Variants in IQGAP2 observed in about 807,000 individuals in gnomAD.
IQGAP2 encodes ras GTPase-activating-like protein IQGAP2.
A neutral mutation model predicts 201.3 loss-of-function variants in IQGAP2; 173 were observed. That is an observed-to-expected ratio of 0.86 (90% CI 0.76 to 0.98). IQGAP2 has a LOEUF of 0.98. Among genes scored for constraint, IQGAP2 ranks in the 50% least tolerant of loss-of-function variants. The pLI is 0.00. For missense variants in IQGAP2, 1,687 were observed against 1,864.8 expected, an observed-to-expected ratio of 0.90 and a Z score of 1.76; for synonymous variants, 675 against 673.9, an observed-to-expected ratio of 1.00 and a Z score of -0.03.
intron 21 of IQGAP2, among the ~76,000 whole-genome samples, chr5:76,659,470 G>A (rs893101894): frequency 1.3e-5 from 2 of 152,132 alleles, no homozygotes; most frequent in African/African-American, 4.8e-5. Flanking sequence ...CCAAAATGGA[G>A]AACAACTATT....
chr5:76,486,635 T>C (rs1028188393), intron 2 of IQGAP2, among the ~76,000 whole-genome samples: 1 of 113,762 alleles, frequency 8.8e-6, no homozygotes, highest in Non-Finnish European at 2.1e-5. Flanking sequence ...GCCAATTCAG[T>C]GATTTTTTTT....
At chr5:76,584,835 A>G (rs749759298) in intron 5 of IQGAP2, among the ~76,000 whole-genome samples, 1 of 152,220 alleles carries the variant, frequency 6.6e-6, no homozygotes, top group Non-Finnish European at 1.5e-5. Flanking sequence ...GATGTCAGAC[A>G]TTTGAAGGAA....
At chr5:76,617,061 A>G (rs897644207) in intron 13 of IQGAP2, 6 of 153,452 alleles carry the variant, frequency 3.9e-5, no homozygotes, top group South Asian at 2.0e-4. Flanking sequence ...TGAAGTAGCA[A>G]TAAGGCAAAT....
At chr5:76,552,581 C>G (rs1287798956) in intron 2 of IQGAP2, among the ~76,000 whole-genome samples, 1 of 152,224 alleles carries the variant, frequency 6.6e-6, no homozygotes, top group Non-Finnish European at 1.5e-5. Flanking sequence ...CTTACAAGCT[C>G]TACCTTCCAC....
At chr5:76,611,959 G>A (rs1337619005) in intron 13 of IQGAP2, among the ~76,000 whole-genome samples, 1 of 152,186 alleles carries the variant, frequency 6.6e-6, no homozygotes, top group African/African-American at 2.4e-5. Flanking sequence ...CATCTCCTCT[G>A]TCTAGGTCTT....
chr5:76,602,609 C>A (rs1029370954), intron 11 of IQGAP2, among the ~76,000 whole-genome samples: 2 of 151,740 alleles, frequency 1.3e-5, no homozygotes, highest in African/African-American at 4.8e-5. Context: ...TAAATACATT[C>A]TGGATCTGGA....
At chr5:76,654,498 G>A (rs1377824161) in intron 19 of IQGAP2, among the ~76,000 whole-genome samples, 5 of 152,302 alleles carry the variant, frequency 3.3e-5, no homozygotes, top group Non-Finnish European at 5.9e-5. Flanking sequence ...AATGGGTGAG[G>A]GGAAAACTGT....
chr5:76,492,786 C>A (rs1442838558), intron 2 of IQGAP2, among the ~76,000 whole-genome samples: 1 of 152,156 alleles, frequency 6.6e-6, no homozygotes, highest in Non-Finnish European at 1.5e-5. Context: ...CTTCACTCAT[C>A]CTACAAAGTG....
intron 17 of IQGAP2, among the ~76,000 whole-genome samples, chr5:76,650,932 A>G (rs775981270): frequency 2.0e-5 from 3 of 152,166 alleles, no homozygotes; most frequent in Non-Finnish European, 4.4e-5. Context: ...GGGCTTTTCT[A>G]CACAGGTGCT....
At chr5:76,503,594 T>A (rs1319671053) in intron 2 of IQGAP2, among the ~76,000 whole-genome samples, 4 of 151,934 alleles carry the variant, frequency 2.6e-5, no homozygotes, top group Admixed American at 1.3e-4. Context: ...TTTTTAAAAA[T>A]TTTATTTATT....
intron 23 of IQGAP2, among the ~76,000 whole-genome samples, chr5:76,669,779 G>A (rs1434018084): frequency 2.0e-5 from 3 of 152,178 alleles, no homozygotes; most frequent in African/African-American, 7.2e-5. Flanking sequence ...GTAGGGCCAG[G>A]TAGTGGGAGA....
In IQGAP2 at chr5:76,575,750, T is replaced by C. The variant is rs750963939; in HGVS notation, c.439T>C (p.Tyr147His). ...TCGGAAAAACATACCAAGAATGATA[T>C]ATTGCATTCACGCACTGAGGTAGGG... ...YDRKNIPRMIYCIHALSLYLF... is the reference protein window; with the variant it reads ...YDRKNIPRMIHCIHALSLYLF... Residue 147 changes from tyrosine (Y) to histidine (H), a missense_variant, in exon 5 of 36, where the codon TAT becomes CAT. By Grantham distance (83) the Tyr-to-His change is moderately conservative. Coordinates refer to ENST00000274364, the MANE Select transcript of IQGAP2 (RefSeq NM_006633.5). The C allele has an allele frequency of 2.5e-6, 4 of 1,587,838 alleles. No homozygotes were observed. The highest frequency in any genetic ancestry group is 4.6e-5 in the East Asian group (2 of 43,920).
chr5:76,519,169 A>T (rs1236001208), intron 2 of IQGAP2, among the ~76,000 whole-genome samples: 5 of 152,216 alleles, frequency 3.3e-5, no homozygotes, highest in African/African-American at 1.2e-4. Flanking sequence ...TAAGGATACT[A>T]AACTGCTACA....
intron 27 of IQGAP2, among the ~76,000 whole-genome samples, chr5:76,676,282 T>C (rs1744816003): frequency 6.6e-6 from 1 of 152,230 alleles, no homozygotes; most frequent in Non-Finnish European, 1.5e-5. Flanking sequence ...TTATCCTTTG[T>C]GTTTCTCAGA....
chr5:76,683,635 T>C (rs1368719925), intron 29 of IQGAP2, 141 bp from the exon 30 acceptor site: 3 of 643,190 alleles, frequency 4.7e-6, no homozygotes, highest in Non-Finnish European at 7.4e-6. Flanking sequence ...TTAGCTATAG[T>C]AGAATGTGGG....
intron 2 of IQGAP2, among the ~76,000 whole-genome samples, chr5:76,488,719 G>A (rs1462556520): frequency 6.6e-6 from 1 of 152,162 alleles, no homozygotes; most frequent in Non-Finnish European, 1.5e-5. Context: ...AAGGAGAGAG[G>A]TTGTAGGTTT....
intron 2 of IQGAP2, among the ~76,000 whole-genome samples, chr5:76,485,496 C>T (rs1756072777): frequency 6.6e-6 from 1 of 152,124 alleles, no homozygotes; most frequent in South Asian, 2.1e-4. Context: ...TCTTTGGTTT[C>T]CTTGGAGTTT....
At chr5:76,572,832 GT>G (rs1186282157) in intron 4 of IQGAP2, among the ~76,000 whole-genome samples, 1 of 152,184 alleles carries the variant, frequency 6.6e-6, no homozygotes, top group Non-Finnish European at 1.5e-5. Context: ...TGTGCCAGGT[GT>G]GCAGTGAAAA....
intron 1 of IQGAP2, among the ~76,000 whole-genome samples, chr5:76,423,163 A>G (rs1365804547): frequency 6.6e-6 from 1 of 152,260 alleles, no homozygotes; most frequent in Non-Finnish European, 1.5e-5. Context: ...TCAACTCAGT[A>G]TAGCCATTAA....
Sources: gnomAD v4.1 joint callset for allele counts (sites outside exome capture counted in the v4.1 genomes callset) on GRCh38, gnomAD v4.1.1 for gene constraint, MANE v1.5 for transcripts, NCBI Gene and HGNC (gene_info 2026-07-23, HGNC 2026-07-21) for gene names.